LRMDA: variants seen among roughly 807,000 people sequenced by gnomAD.
LRMDA encodes the protein leucine rich melanocyte differentiation associated.
LRMDA carries 18 observed loss-of-function variants against 29.8 expected under a neutral mutation model. That is an observed-to-expected ratio of 0.60 (90% confidence interval 0.42 to 0.90). The LOEUF (loss-of-function observed/expected upper bound fraction) is 0.90, where lower values mean the gene tolerates loss of function less well. Ranked by LOEUF, LRMDA falls within the 40% of genes least tolerant of loss-of-function variation. The probability of loss-of-function intolerance (pLI) is 0.00; values close to 1 mark genes in which losing one functional copy is unlikely to be tolerated. For synonymous variants in LRMDA, 125 were observed against 109.4 expected (o/e 1.14, Z -0.89); for missense variants, 273 against 273.9 (o/e 1.00, Z 0.02).
chr10:76,204,566 G>A (rs192836346), intron 5 of LRMDA, among the ~76,000 whole-genome samples: 1 of 152,232 alleles, frequency 6.6e-6, no homozygotes, highest in Non-Finnish European at 1.5e-5. Flanking sequence ...GAGGCCACAA[G>A]GTTATATCAT....
intron 6 of LRMDA, among the ~76,000 whole-genome samples, chr10:76,517,193 G>A (rs1843070781): frequency 6.6e-6 from 1 of 152,094 alleles, no homozygotes; most frequent in Non-Finnish European, 1.5e-5. Flanking sequence ...TACTTGAACA[G>A]GTGGCAGCTG....
intron 2 of LRMDA, among the ~76,000 whole-genome samples, chr10:75,732,143 G>T (rs1180489623): frequency 6.6e-6 from 1 of 152,120 alleles, no homozygotes; most frequent in Non-Finnish European, 1.5e-5. Context: ...TTATCAGTTG[G>T]TTCAACCAAA....
At chr10:75,844,013 C>G (rs535320101) in intron 2 of LRMDA, among the ~76,000 whole-genome samples, 1 of 152,034 alleles carries the variant, frequency 6.6e-6, no homozygotes, top group South Asian at 2.1e-4. Flanking sequence ...AAAGGAGAAG[C>G]CCCTGTAGAT....
chr10:76,083,766 G>A (rs537924786), intron 5 of LRMDA, among the ~76,000 whole-genome samples: 1 of 148,680 alleles, frequency 6.7e-6, no homozygotes, highest in Non-Finnish European at 1.5e-5. Context: ...CCCGACAGGC[G>A]AAGGTTGCAG....
At chr10:75,834,471 C>G (rs573972937) in intron 2 of LRMDA, among the ~76,000 whole-genome samples, 1 of 152,318 alleles carries the variant, frequency 6.6e-6, no homozygotes, top group African/African-American at 2.4e-5. Flanking sequence ...TCTTTGCAAT[C>G]TGAATAGCTG....
At chr10:76,115,276 A>G (rs1849649409) in intron 5 of LRMDA, among the ~76,000 whole-genome samples, 1 of 152,258 alleles carries the variant, frequency 6.6e-6, no homozygotes, top group Non-Finnish European at 1.5e-5. Context: ...TCATAGGTAT[A>G]TAAATCTTCA....
At chr10:75,452,917 A>G (rs1844476612) in intron 2 of LRMDA, among the ~76,000 whole-genome samples, 1 of 152,246 alleles carries the variant, frequency 6.6e-6, no homozygotes, top group Non-Finnish European at 1.5e-5. Flanking sequence ...ATATTTATAT[A>G]CAAGAAAGCA....
chr10:76,511,512 C>G, intron 6 of LRMDA, among the ~76,000 whole-genome samples: 1 of 151,988 alleles, frequency 6.6e-6, no homozygotes, highest in East Asian at 1.9e-4. Context: ...CCTATTAGAA[C>G]TAATACATGA....
At chr10:76,098,540 T>A (rs1303976778) in intron 5 of LRMDA, among the ~76,000 whole-genome samples, 2 of 152,230 alleles carry the variant, frequency 1.3e-5, no homozygotes, top group African/African-American at 4.8e-5. Context: ...GCGTCCCATC[T>A]TTCATTGCTG....
At chr10:76,050,230 G>A (rs1589303845) in intron 4 of LRMDA, among the ~76,000 whole-genome samples, 3 of 152,280 alleles carry the variant, frequency 2.0e-5, no homozygotes, top group Admixed American at 6.5e-5. Context: ...GAAGTGACTC[G>A]ATTTATGTAG....
chr10:76,427,902 A>C (rs1258479986), intron 6 of LRMDA, among the ~76,000 whole-genome samples: 1 of 152,128 alleles, frequency 6.6e-6, no homozygotes, highest in Non-Finnish European at 1.5e-5. Context: ...ATGCTGGATT[A>C]TGTCTATTGA....
intron 6 of LRMDA, among the ~76,000 whole-genome samples, chr10:76,526,297 G>C (rs535359324): frequency 1.3e-5 from 2 of 152,282 alleles, no homozygotes; most frequent in African/African-American, 4.8e-5. Flanking sequence ...TGAAAGAGCA[G>C]ATCAGTAGGC....
chr10:76,051,924 A>G (rs1010364950), intron 4 of LRMDA, among the ~76,000 whole-genome samples: 2 of 152,268 alleles, frequency 1.3e-5, no homozygotes, highest in African/African-American at 4.8e-5. Flanking sequence ...CACTGAAGCC[A>G]TTGCTAAGTT....
Position 75,590,050 on chromosome 10 carries a change from C to T in LRMDA, c.131+151556C>T, listed in dbSNP as rs147074880. On this transcript the variant is annotated intron_variant, in intron 2 of 6. Coordinates refer to ENST00000611255, the MANE Select transcript of LRMDA (RefSeq NM_001305581.2). ...TTTTTTTTTTTTGAAGATAGGGTCT[C>T]ACTCTGTTGCCCAGGCTGGAGTGCA... 6.5e-3 allele frequency among the ~76,000 whole-genome samples: 961 copies of T among 148,272 alleles called. 14 individuals are homozygous for T. The highest frequency in any genetic ancestry group is 0.022 in the African/African-American group (896 of 40,368).
At chr10:76,371,768 C>T (rs1220939078) in intron 6 of LRMDA, among the ~76,000 whole-genome samples, 1 of 152,154 alleles carries the variant, frequency 6.6e-6, no homozygotes, top group Non-Finnish European at 1.5e-5. Context: ...ATCAAATTTG[C>T]TTGGCTGGTC....
intron 2 of LRMDA, among the ~76,000 whole-genome samples, chr10:75,899,769 G>T (rs1445541700): frequency 6.6e-6 from 1 of 152,166 alleles, no homozygotes; most frequent in Non-Finnish European, 1.5e-5. Flanking sequence ...TACTAGTTCT[G>T]CAGGGATGAG....
intron 5 of LRMDA, among the ~76,000 whole-genome samples, chr10:76,205,115 C>T (rs1196002536): frequency 6.6e-6 from 1 of 152,148 alleles, no homozygotes; most frequent in Non-Finnish European, 1.5e-5. Flanking sequence ...GCCTAGGTCC[C>T]AAGAGCGCAC....
chr10:75,815,201 A>G (rs967616778), intron 2 of LRMDA, among the ~76,000 whole-genome samples: 1 of 152,244 alleles, frequency 6.6e-6, no homozygotes, highest in Admixed American at 6.5e-5. Flanking sequence ...ACACAGGCAT[A>G]TGGAGAAATT....
chr10:75,689,529 CTCCCTATCA>C (rs1042836156), intron 2 of LRMDA, among the ~76,000 whole-genome samples: 2 of 152,132 alleles, frequency 1.3e-5, no homozygotes, highest in African/African-American at 4.8e-5. Flanking sequence ...AGCCTTTGCC[CTCCCTATCA>C]TCGGATGTGA....
Sources: allele counts gnomAD v4.1 joint callset (sites outside exome capture counted in the v4.1 genomes callset), GRCh38; gene constraint gnomAD v4.1.1; transcripts MANE v1.5; gene names NCBI Gene and HGNC (gene_info 2026-07-23, HGNC 2026-07-21).